CTTNBP2NL: variants seen among roughly 807,000 people sequenced by gnomAD.
The protein encoded by CTTNBP2NL is CTTNBP2 N-terminal like, also known as CTTNBP2 N-terminal-like protein.
Under a neutral mutation model 32.5 loss-of-function variants are expected in CTTNBP2NL, and 16 were observed. That is an observed-to-expected ratio of 0.49 (90% CI 0.33 to 0.75). CTTNBP2NL has a LOEUF of 0.75. Ranked by LOEUF, CTTNBP2NL falls within the 30% of genes least tolerant of loss-of-function variation. CTTNBP2NL has a pLI of 0.02. For missense variants in CTTNBP2NL, 645 were observed against 756.0 expected (o/e 0.85, Z 1.72); for synonymous variants, 298 against 289.4 (o/e 1.03, Z -0.30).
At chr1:112,449,243 A>C (rs1304230643) in intron 4 of CTTNBP2NL, 71 bp downstream of exon 4, 1 of 852,400 alleles carries the variant, frequency 1.2e-6, no homozygotes, top group Non-Finnish European at 1.8e-6. Context: ...CTTTCTTGTC[A>C]GCTGCCAGTT....
chr1:112,411,536 A>G (rs549724323), intron 1 of CTTNBP2NL, among the ~76,000 whole-genome samples: 1 of 152,324 alleles, frequency 6.6e-6, no homozygotes, highest in Admixed American at 6.5e-5. Context: ...TTTCAGATTT[A>G]TAGACTGTGG....
At chr1:112,412,608 CTT>C (rs35667800) in intron 2 of CTTNBP2NL, among the ~76,000 whole-genome samples, 12 of 88,916 alleles carry the variant, frequency 1.3e-4, no homozygotes, top group African/African-American at 4.4e-4. Context: ...GAGTTGGTAC[CTT>C]TTTTTTTTTT....
At chr1:112,400,836 G>A (rs574412640) in intron 1 of CTTNBP2NL, among the ~76,000 whole-genome samples, 4 of 151,476 alleles carry the variant, frequency 2.6e-5, no homozygotes, top group Admixed American at 1.3e-4. Flanking sequence ...ATGGTGGCAC[G>A]TGCCTGTAGT....
At chr1:112,405,067 CA>C (rs1156267145) in intron 1 of CTTNBP2NL, among the ~76,000 whole-genome samples, 1 of 150,408 alleles carries the variant, frequency 6.6e-6, no homozygotes, top group Non-Finnish European at 1.5e-5. Flanking sequence ...AACTCCATCT[CA>C]AAAAAAACAA....
chr1:112,401,412 T>G (rs958122822), intron 1 of CTTNBP2NL, among the ~76,000 whole-genome samples: 1 of 152,222 alleles, frequency 6.6e-6, no homozygotes, highest in Non-Finnish European at 1.5e-5. Flanking sequence ...AGCCGATGTC[T>G]TCTTTCTGAA....
At chr1:112,413,209 C>G (rs17030259) in intron 2 of CTTNBP2NL, among the ~76,000 whole-genome samples, 4,266 of 152,198 alleles carry the variant, frequency 0.028, 210 homozygotes, top group African/African-American at 0.098. Context: ...ATATGTACCT[C>G]TTATTTTTAT....
At chr1:112,435,972 T>A (rs1301791960) in intron 3 of CTTNBP2NL, among the ~76,000 whole-genome samples, 1 of 152,164 alleles carries the variant, frequency 6.6e-6, no homozygotes, top group Non-Finnish European at 1.5e-5. Context: ...TAAGAACCTT[T>A]ATGGTCATCT....
intron 3 of CTTNBP2NL, among the ~76,000 whole-genome samples, chr1:112,434,913 C>T (rs866595207): frequency 1.3e-5 from 2 of 151,928 alleles, no homozygotes; most frequent in African/African-American, 2.4e-5. Flanking sequence ...GAGGCCGAGG[C>T]GGGTGGATCA....
chr1:112,448,554 G>A (rs1650121565), intron 3 of CTTNBP2NL, among the ~76,000 whole-genome samples: 2 of 152,072 alleles, frequency 1.3e-5, no homozygotes, highest in African/African-American at 2.4e-5. Context: ...AAGCACAGAG[G>A]TTAAGGACAC....
rs1047931658 is a variant in CTTNBP2NL at position 112,455,858 on chromosome 1, A to G, written c.439-73A>G. On this transcript the variant is annotated intron_variant, in intron 5 of 5. Transcript: ENST00000271277. ...GATGTGCATGTTAATCCTGTATACC[A>G]GAGAACAGCTAACGAAGACAGTCTA... 8.1e-6 allele frequency: 9 copies of G among 1,112,020 alleles called. No individual in the cohort carries two copies. In the African/African-American group the frequency reaches 1.2e-4, roughly 15 times the overall value. The allele number at this position is 1,112,020 out of a possible 1,614,324, so 68.9% of individuals were successfully genotyped here.
chr1:112,406,517 G>A (rs1179137337), intron 1 of CTTNBP2NL, among the ~76,000 whole-genome samples: 3 of 152,190 alleles, frequency 2.0e-5, no homozygotes, highest in East Asian at 1.9e-4. Flanking sequence ...TGTTAAATGA[G>A]GAGGATGATG....
At chr1:112,450,601 T>C (rs1439632531) in intron 4 of CTTNBP2NL, among the ~76,000 whole-genome samples, 1 of 152,166 alleles carries the variant, frequency 6.6e-6, no homozygotes, top group African/African-American at 2.4e-5. Context: ...TGAAGCTAGT[T>C]GGGCTAGCTT....
chr1:112,449,837 T>A (rs182779245), intron 4 of CTTNBP2NL, among the ~76,000 whole-genome samples: 25 of 151,982 alleles, frequency 1.6e-4, no homozygotes, highest in Non-Finnish European at 2.8e-4. Flanking sequence ...TCTACCCTAT[T>A]AGTAAAGAGT....
chr1:112,430,357 C>G (rs776265899), intron 3 of CTTNBP2NL, among the ~76,000 whole-genome samples: 3 of 151,896 alleles, frequency 2.0e-5, no homozygotes, highest in Non-Finnish European at 4.4e-5. Flanking sequence ...TCTTAAGTAG[C>G]TGGGACTATA....
chr1:112,420,233 C>A (rs1378929222), intron 3 of CTTNBP2NL, among the ~76,000 whole-genome samples: 1 of 151,568 alleles, frequency 6.6e-6, no homozygotes, highest in Non-Finnish European at 1.5e-5. Context: ...GCAGCCTCCG[C>A]CTCCTGAGTT....
In CTTNBP2NL at chr1:112,452,362, T is replaced by TTA. The variant is rs1362697636; in HGVS notation, c.331-2087_331-2086insTA. On this transcript the variant is annotated intron_variant, in intron 4 of 5. Transcript: ENST00000271277. ...TTTTTTTTTTTTTTTTTTTTTTTTT[T>TTA]AGACAGAGTTTCACTCTTGTTGCTC... Among the ~76,000 whole-genome samples, 49 of 127,836 alleles carry TTA rather than the reference T, an allele frequency of 3.8e-4. 1 individual carries two copies. The highest frequency in any genetic ancestry group is 1.5e-3 in the African/African-American group (47 of 32,272). 83.9% of individuals were successfully genotyped at this position (127,836 alleles called of 152,430 possible).
chr1:112,448,811 A>G (rs1650127505), intron 3 of CTTNBP2NL, 131 bp from the exon 4 acceptor site: 1 of 618,534 alleles, frequency 1.6e-6, no homozygotes, highest in Non-Finnish European at 2.9e-6. Context: ...AGATGGCTCA[A>G]TCTGACTTGT....
chr1:112,435,723 T>C (rs888384866), intron 3 of CTTNBP2NL, among the ~76,000 whole-genome samples: 6 of 152,232 alleles, frequency 3.9e-5, no homozygotes, highest in Admixed American at 3.3e-4. Flanking sequence ...TTGCTCACTA[T>C]TTTGTATTCA....
chr1:112,406,863 AT>A (rs939866352), intron 1 of CTTNBP2NL, among the ~76,000 whole-genome samples: 2 of 152,198 alleles, frequency 1.3e-5, no homozygotes, highest in Non-Finnish European at 2.9e-5. Context: ...CTACAGTGTT[AT>A]AAATGTTGAC....
Sources: gnomAD v4.1 joint callset for allele counts (sites outside exome capture counted in the v4.1 genomes callset) on GRCh38, gnomAD v4.1.1 for gene constraint, MANE v1.5 for transcripts, NCBI Gene and HGNC (gene_info 2026-07-23, HGNC 2026-07-21) for gene names.